ITFG1: variants seen among roughly 807,000 people sequenced by gnomAD.
ITFG1 encodes integrin alpha FG-GAP repeat containing 1.
ITFG1 carries 34 observed loss-of-function variants against 81.8 expected under a neutral mutation model. That is an observed-to-expected ratio of 0.42 (90% confidence interval 0.32 to 0.55). The LOEUF is 0.55. Ranked by LOEUF, ITFG1 falls within the 20% of genes least tolerant of loss-of-function variation. The pLI is 0.17. For missense variants in ITFG1, 672 were observed against 755.4 expected, an observed-to-expected ratio of 0.89 and a Z score of 1.29; for synonymous variants, 285 against 270.6, an observed-to-expected ratio of 1.05 and a Z score of -0.52.
chr16:47,296,500 A>G (rs767337592), intron 10 of ITFG1, among the ~76,000 whole-genome samples: 1 of 152,108 alleles, frequency 6.6e-6, no homozygotes, highest in Non-Finnish European at 1.5e-5. Flanking sequence ...CAGTGGCACA[A>G]TCTCGGCTCA....
chr16:47,183,679 G>A (rs1366965855), intron 14 of ITFG1, among the ~76,000 whole-genome samples: 1 of 152,206 alleles, frequency 6.6e-6, no homozygotes, highest in Non-Finnish European at 1.5e-5. Context: ...AAACCACAAA[G>A]ATGGGGAAAA....
At chr16:47,198,641 T>A (rs1435476041) in intron 14 of ITFG1, among the ~76,000 whole-genome samples, 1 of 151,912 alleles carries the variant, frequency 6.6e-6, no homozygotes, top group Non-Finnish European at 1.5e-5. Flanking sequence ...GAAGAAGGTA[T>A]TGTCATCATA....
At chr16:47,267,462 T>C (rs1966290216) in intron 10 of ITFG1, among the ~76,000 whole-genome samples, 1 of 152,184 alleles carries the variant, frequency 6.6e-6, no homozygotes, top group African/African-American at 2.4e-5. Context: ...TTCACAACTA[T>C]AGTCACGGAT....
chr16:47,331,640 T>C (rs28681341), intron 8 of ITFG1, among the ~76,000 whole-genome samples: 1 of 151,980 alleles, frequency 6.6e-6, no homozygotes, highest in Non-Finnish European at 1.5e-5. Context: ...CAGATCCTTT[T>C]ATAACCCATA....
chr16:47,155,567 T>G lies in ITFG1; in HGVS notation c.*152A>C. On this transcript the variant is annotated 3_prime_UTR_variant, in exon 18 of 18. Transcript: ENST00000320640. ...TTAAAAAAAAAGACCTTGTGACATA[T>G]TCAAACCATATTTATTTGAATACTT... 1.7e-6 allele frequency: 1 copy of G among 604,908 alleles called. No individual in the cohort carries two copies. The highest frequency in any genetic ancestry group is 2.5e-5 in the South Asian group (1 of 40,074). The allele number at this position is 604,908 out of a possible 1,614,324, so 37.5% of individuals were successfully genotyped here.
rs144213575 is a variant in ITFG1 at position 47,425,647 on chromosome 16, C to T, written c.655+3157G>A. ...CACTCTTGTTACCCAGGCTGAAGTG[C>T]AGTGGCATGATCTCAGCTCACTGCA... On this transcript the variant is annotated intron_variant, in intron 6 of 17. Coordinates refer to ENST00000320640, the MANE Select transcript of ITFG1 (RefSeq NM_030790.5). The T allele has an allele frequency of 3.0e-3, 444 of 149,408 alleles. 2 individuals carry two copies. Among genetic ancestry groups the T allele is most frequent in the Non-Finnish European group, 5.3e-3 (362 of 67,772 alleles). 9.3% of individuals were successfully genotyped at this position (149,408 alleles called of 1,614,324 possible). A position where few individuals can be genotyped will look rare whatever the true frequency, so the allele number is the denominator to read the frequency against.
intron 16 of ITFG1, among the ~76,000 whole-genome samples, chr16:47,159,454 T>G (rs1166050613): frequency 6.6e-6 from 1 of 152,186 alleles, no homozygotes; most frequent in African/African-American, 2.4e-5. Context: ...TGTGACCAAG[T>G]AAAACATAAA....
chr16:47,252,944 T>C (rs1250319515), intron 12 of ITFG1, among the ~76,000 whole-genome samples: 1 of 152,224 alleles, frequency 6.6e-6, no homozygotes, highest in Non-Finnish European at 1.5e-5. Flanking sequence ...ATGATTGCTT[T>C]AAATTGGGAT....
chr16:47,245,172 C>T (rs1030211921), intron 12 of ITFG1, among the ~76,000 whole-genome samples: 9 of 151,998 alleles, frequency 5.9e-5, no homozygotes, highest in Admixed American at 5.2e-4. Flanking sequence ...CATGGTGAAA[C>T]CCCGTCTCTA....
chr16:47,286,415 G>A (rs1282413058), intron 10 of ITFG1, among the ~76,000 whole-genome samples: 3 of 152,150 alleles, frequency 2.0e-5, no homozygotes, highest in African/African-American at 7.2e-5. Context: ...CGAGGTGGGT[G>A]GATCACCTGA....
intron 13 of ITFG1, among the ~76,000 whole-genome samples, chr16:47,220,565 T>G (rs1163349382): frequency 6.6e-6 from 1 of 152,242 alleles, no homozygotes; most frequent in African/African-American, 2.4e-5. Flanking sequence ...GAGCCTGATA[T>G]CTTCCCAATA....
chr16:47,422,884 G>T (rs1968969357), intron 6 of ITFG1, among the ~76,000 whole-genome samples: 1 of 152,168 alleles, frequency 6.6e-6, no homozygotes, highest in Admixed American at 6.5e-5. Context: ...GTGGGGCTGA[G>T]AAGAATGTAT....
chr16:47,276,701 A>C (rs1411909235), intron 10 of ITFG1, among the ~76,000 whole-genome samples: 6 of 152,216 alleles, frequency 3.9e-5, no homozygotes, highest in Admixed American at 3.9e-4. Context: ...CCAAAATAGA[A>C]GGCACAGAAA....
intron 8 of ITFG1, among the ~76,000 whole-genome samples, chr16:47,337,387 T>C (rs1265784963): frequency 6.6e-6 from 1 of 151,970 alleles, no homozygotes; most frequent in East Asian, 1.9e-4. Context: ...CTGGCCAATG[T>C]GGCAAAACCC....
At chr16:47,206,682 C>T (rs1965503687) in intron 14 of ITFG1, among the ~76,000 whole-genome samples, 1 of 152,216 alleles carries the variant, frequency 6.6e-6, no homozygotes, top group Non-Finnish European at 1.5e-5. Flanking sequence ...GGTTCTTCCT[C>T]AGATTTCACT....
intron 5 of ITFG1, among the ~76,000 whole-genome samples, chr16:47,440,036 C>A (rs958839062): frequency 6.6e-6 from 1 of 152,012 alleles, no homozygotes; most frequent in Non-Finnish European, 1.5e-5. Flanking sequence ...GGTTGCAATC[C>A]TAGTCTCTGA....
intron 12 of ITFG1, among the ~76,000 whole-genome samples, chr16:47,253,334 A>T (rs919658353): frequency 7.2e-5 from 11 of 152,212 alleles, no homozygotes; most frequent in Non-Finnish European, 1.3e-4. Context: ...AACTGTCAAC[A>T]ACACATGGCC....
At chr16:47,396,098 C>T in intron 6 of ITFG1, 5 of 883,454 alleles carry the variant, frequency 5.7e-6, no homozygotes, top group Non-Finnish European at 6.8e-6. Flanking sequence ...GCAGAAAACA[C>T]TCACCTATCC....
chr16:47,453,922 C>T (rs1051309917), intron 3 of ITFG1, 91 bp downstream of exon 3: 2 of 818,640 alleles, frequency 2.4e-6, no homozygotes, highest in Admixed American at 5.9e-5. Context: ...CACCCAAGAA[C>T]AGTATTTTTG....
Sources: allele counts gnomAD v4.1 joint callset (sites outside exome capture counted in the v4.1 genomes callset), GRCh38; gene constraint gnomAD v4.1.1; transcripts MANE v1.5; gene names NCBI Gene and HGNC (gene_info 2026-07-23, HGNC 2026-07-21).